Variants in KCTD10 observed in about 807,000 individuals in gnomAD.
KCTD10 encodes potassium channel tetramerization domain containing 10, also known as BTB/POZ domain-containing adapter for CUL3-mediated RhoA degradation protein 3.
In KCTD10, 13 loss-of-function variants were observed where a neutral mutation model predicts 34.6. The observed-to-expected ratio is 0.38, with a 90% CI of 0.24 to 0.60. The LOEUF (loss-of-function observed/expected upper bound fraction) is 0.60, where lower values mean the gene tolerates loss of function less well. KCTD10 is among the 20% of genes least tolerant of loss of function. The pLI, the probability that KCTD10 is intolerant of heterozygous loss-of-function variation, is 0.66. For missense variants in KCTD10, 256 were observed against 420.3 expected (o/e 0.61, Z 3.42); for synonymous variants, 156 against 168.8 (o/e 0.92, Z 0.59).
chr12:109,452,080 T>C (rs1406030098), intron 6 of KCTD10, among the ~76,000 whole-genome samples: 1 of 152,206 alleles, frequency 6.6e-6, no homozygotes, highest in African/African-American at 2.4e-5. Flanking sequence ...TTTTACCCTC[T>C]CAAAGATTCT....
chr12:109,476,560 A>G (rs931179525), intron 1 of KCTD10, among the ~76,000 whole-genome samples: 6 of 152,266 alleles, frequency 3.9e-5, no homozygotes, highest in Middle Eastern at 3.4e-3. Context: ...TCTGGCCTCA[A>G]TGGAAGTTAC....
chr12:109,455,992 G>A (rs2302707), intron 6 of KCTD10, 126 bp downstream of exon 6: 151,230 of 899,432 alleles, frequency 0.17, 13,183 homozygotes, highest in Middle Eastern at 0.2. Flanking sequence ...TTTTAAGGAT[G>A]AGCAATCACA....
chr12:109,470,074 C>G, intron 1 of KCTD10: 1 of 1,114,886 alleles, frequency 9.0e-7, no homozygotes, highest in Non-Finnish European at 1.1e-6. Context: ...AAGGGTGCCC[C>G]TAACTCTTGT....
At chr12:109,477,211 C>A in intron 1 of KCTD10, 49 bp downstream of exon 1, 1 of 1,611,438 alleles carries the variant, frequency 6.2e-7, no homozygotes, top group East Asian at 2.2e-5. Context: ...TGCTGCCCAG[C>A]TCCCTCGGCC....
chr12:109,461,473 G>A lies in KCTD10; in HGVS notation c.218-668C>T, dbSNP rs149191641. ...CAGCTTTTATTGGATATGGAAAAAG[G>A]TCCCAAAGCTGACCAAATCCAGGCA... On this transcript the variant is annotated intron_variant, in intron 2 of 6. Coordinates refer to ENST00000228495, the MANE Select transcript of KCTD10 (RefSeq NM_031954.5). Among the ~76,000 whole-genome samples the A allele has an allele frequency of 1.5e-3, 232 of 152,272 alleles. 1 individual carries two copies. Among genetic ancestry groups the A allele is most frequent in the Admixed American group, 2.5e-3 (38 of 15,292 alleles).
chr12:109,454,338 G>A (rs1373289582), intron 6 of KCTD10, among the ~76,000 whole-genome samples: 4 of 152,202 alleles, frequency 2.6e-5, no homozygotes, highest in African/African-American at 9.7e-5. Flanking sequence ...AACCAAATGA[G>A]CACTTGAGAA....
chr12:109,460,554 C>T lies in KCTD10; in HGVS notation c.387+82G>A. 1 of 1,401,810 alleles carries T rather than the reference C, an allele frequency of 7.1e-7. No individual in the cohort carries two copies. The highest frequency in any genetic ancestry group is 9.8e-7 in the Non-Finnish European group (1 of 1,015,528). 86.8% of individuals were successfully genotyped at this position (1,401,810 alleles called of 1,614,324 possible). A position where few individuals can be genotyped will look rare whatever the true frequency, so the allele number is the denominator to read the frequency against. Reference sequence around the variant, plus strand: ...CATCTCAGTCAGACAGAAACTGCCCCCATTTTGCAGAGAGGGAAAATGAGG... The same window carrying T: ...CATCTCAGTCAGACAGAAACTGCCCTCATTTTGCAGAGAGGGAAAATGAGG... On this transcript the variant is annotated intron_variant, in intron 3 of 6. Coordinates refer to ENST00000228495, the MANE Select transcript of KCTD10 (RefSeq NM_031954.5). The surrounding 1 kb of genome is among the most constrained non-coding windows in gnomAD (Gnocchi z 4.5).
chr12:109,459,005 T>C (rs1315067530), intron 3 of KCTD10: 1 of 152,236 alleles, frequency 6.6e-6, no homozygotes, highest in African/African-American at 2.4e-5. Flanking sequence ...GTGAAAAGCC[T>C]CTTTAACATG....
At chr12:109,453,511 C>T (rs1872877703) in intron 6 of KCTD10, among the ~76,000 whole-genome samples, 1 of 152,152 alleles carries the variant, frequency 6.6e-6, no homozygotes, top group Admixed American at 6.5e-5. Context: ...TATTTTCTTG[C>T]ACCCAGACCT....
At chr12:109,474,897 T>G (rs537540382) in intron 1 of KCTD10, among the ~76,000 whole-genome samples, 2 of 152,210 alleles carry the variant, frequency 1.3e-5, no homozygotes, top group Non-Finnish European at 2.9e-5. Flanking sequence ...TGTAGAAGTC[T>G]TGTGTGCCTG....
rs774369697 is a variant in KCTD10, at chr12:109,469,542, G to A, written c.190C>T (p.Arg64Cys). Reference protein sequence around the residue: ...DTMLKAMFSGRMEVLTDSEGW... With the variant: ...DTMLKAMFSGCMEVLTDSEGW... ...TCACTGTCGGTGAGCACTTCCATGC[G>A]CCCGCTGAACATGGCCTTCAGCATG... The change falls in exon 2 of 7, where the codon CGC becomes TGC. Residue 64 changes from arginine to cysteine, a missense_variant. This residue lies in a region of KCTD10 where 155 missense variants were observed against 207.0 expected (regional missense o/e 0.75). Transcript: ENST00000228495. 3 of 1,614,154 alleles carry A rather than the reference G, an allele frequency of 1.9e-6. No homozygotes were observed. The highest frequency in any genetic ancestry group is 1.1e-5 in the South Asian group (1 of 91,084).
At chr12:109,477,300 TGA>T (rs748649242), upstream of KCTD10, 9 of 1,613,450 alleles carry the variant, frequency 5.6e-6, no homozygotes, top group East Asian at 6.7e-5. Flanking sequence ...AAACCCGGAC[TGA>T]GAGAGGCAGG....
At chr12:109,461,779 G>T (rs1488020060) in intron 2 of KCTD10, among the ~76,000 whole-genome samples, 1 of 151,802 alleles carries the variant, frequency 6.6e-6, no homozygotes, top group African/African-American at 2.4e-5. Context: ...ACAGATGAGA[G>T]GGTGAAGTCG....
chr12:109,456,446 G>A (rs1873023222), intron 5 of KCTD10, 133 bp from the exon 6 acceptor site: 1 of 738,288 alleles, frequency 1.4e-6, no homozygotes, highest in Non-Finnish European at 2.4e-6. Flanking sequence ...ATAATCCCAT[G>A]ACAAAGGCAC....
chr12:109,471,363 T>C, intron 1 of KCTD10: 1 of 985,418 alleles, frequency 1.0e-6, no homozygotes, highest in Non-Finnish European at 1.2e-6. Flanking sequence ...GGATATCACC[T>C]GCCATGTCAG....
At chr12:109,458,843 G>A (rs1363483712) in intron 3 of KCTD10, 1 of 152,282 alleles carries the variant, frequency 6.6e-6, no homozygotes, top group African/African-American at 2.4e-5. Context: ...CCCCAAAATG[G>A]CTTACAGATT....
rs14064 is a variant in KCTD10, at chr12:109,450,760, G to C, written c.*835C>G. On this transcript the variant is annotated 3_prime_UTR_variant, in exon 7 of 7. Coordinates refer to ENST00000228495, the MANE Select transcript of KCTD10 (RefSeq NM_031954.5). ...GGTCAGATGGCCTTCCTGGAGTGGAGTCGGGTCAATCAGGAGAACAACTGG... is the reference window on the plus strand; with the variant it reads ...GGTCAGATGGCCTTCCTGGAGTGGACTCGGGTCAATCAGGAGAACAACTGG... 2.4e-5 allele frequency: 4 copies of C among 167,648 alleles called. No homozygotes were observed. The highest frequency in any genetic ancestry group is 7.1e-5 in the African/African-American group (3 of 42,234). The allele number at this position is 167,648 out of a possible 1,614,324, so 10.4% of individuals were successfully genotyped here.
At chr12:109,471,158 G>C in intron 1 of KCTD10, 6 of 985,422 alleles carry the variant, frequency 6.1e-6, no homozygotes, top group Non-Finnish European at 7.2e-6. Context: ...AGCTTTTCCA[G>C]ATTTTCTATA....
At chr12:109,469,813 G>GTT in intron 1 of KCTD10, 85 bp from the exon 2 acceptor site, 1 of 1,563,842 alleles carries the variant, frequency 6.4e-7, no homozygotes, top group African/African-American at 1.3e-5. Context: ...CTCCAGATGT[G>GTT]TTTTGCTTGG....
Sources: allele counts gnomAD v4.1 joint callset (sites outside exome capture counted in the v4.1 genomes callset), GRCh38; gene constraint gnomAD v4.1.1; regional missense constraint gnomAD v4.1.1; non-coding constraint Gnocchi (gnomAD v3.1); transcripts MANE v1.5; gene names NCBI Gene and HGNC (gene_info 2026-07-23, HGNC 2026-07-21).